The following DNAH5 variants were observed in gnomAD, a reference collection of about 807,000 sequenced individuals.
DNAH5 encodes axonemal beta dynein heavy chain 5.
In DNAH5, 372 loss-of-function variants were observed where a neutral mutation model predicts 518.2. The ratio of observed to expected loss-of-function variants is 0.72; its 90% CI spans 0.66 to 0.78. The LOEUF is 0.78. Ranked by LOEUF, DNAH5 falls within the 30% of genes least tolerant of loss-of-function variation. DNAH5 has a pLI of 0.00. For missense variants in DNAH5, 5,523 were observed against 5,687.0 expected, an observed-to-expected ratio of 0.97 and a Z score of 0.93; for synonymous variants, 2,039 against 2,025.9, an observed-to-expected ratio of 1.01 and a Z score of -0.17.
At chr5:13,731,454 T>C (rs1167823600) in intron 68 of DNAH5, among the ~76,000 whole-genome samples, 1 of 152,192 alleles carries the variant, frequency 6.6e-6, no homozygotes, top group East Asian at 1.9e-4. Context: ...CCGGTAACTA[T>C]GTCATGACTA....
intron 1 of DNAH5, among the ~76,000 whole-genome samples, chr5:13,976,687 G>GTATATATATATATATATA (rs1231927910): frequency 2.5e-5 from 3 of 121,354 alleles, no homozygotes; most frequent in Admixed American, 8.4e-5. Flanking sequence ...ATGTGTGTGT[G>GTATATATATATATATATA]TGTATATATA....
chr5:13,948,361 A>G (rs1009178823), upstream of DNAH5, among the ~76,000 whole-genome samples: 1 of 152,162 alleles, frequency 6.6e-6, no homozygotes, highest in African/African-American at 2.4e-5. Flanking sequence ...TAAGAAAGCA[A>G]TGAAGCCTAG....
chr5:13,730,660 T>G (rs1341316065), intron 68 of DNAH5, among the ~76,000 whole-genome samples: 1 of 151,028 alleles, frequency 6.6e-6, no homozygotes, highest in African/African-American at 2.4e-5. Context: ...GGTATCGATC[T>G]CCTGACCTCG....
At chr5:13,975,514 T>C (rs1227830167) in intron 1 of DNAH5, among the ~76,000 whole-genome samples, 1 of 152,148 alleles carries the variant, frequency 6.6e-6, no homozygotes, top group African/African-American at 2.4e-5. Flanking sequence ...GGATTCCAAG[T>C]GAGAAGACAG....
rs1308012581 is a variant in DNAH5, at chr5:13,814,849, A to G, written c.6989-3T>C. 5.0e-6 allele frequency: 8 copies of G among 1,613,440 alleles called. No homozygotes were observed. The highest frequency in any genetic ancestry group is 6.8e-6 in the Non-Finnish European group (8 of 1,179,842). On this transcript the variant is annotated splice_polypyrimidine_tract_variant and splice_region_variant and intron_variant, in intron 42 of 78. Transcript: ENST00000265104. ...AAGAATTATCCAGATATGTTCCCCTAGAATACCCCACCAAAGGGAAAAAAA... is the reference window on the plus strand; with the variant it reads ...AAGAATTATCCAGATATGTTCCCCTGGAATACCCCACCAAAGGGAAAAAAA...
chr5:13,753,487 C>G lies in DNAH5; in HGVS notation c.10618G>C (p.Asp3540His), dbSNP rs747949893. ...TTCCGCCAGTCATTTAACAGAAGAT[C>G]ACGAAACTCTTGGTTAAATGGACCA... Reference protein sequence around the residue: ...YSGPFNQEFRDLLLNDWRKEM... With the variant: ...YSGPFNQEFRHLLLNDWRKEM... Residue 3540 changes from aspartate to histidine, a missense_variant, in exon 63 of 79, where the codon GAT (aspartate) becomes CAT (histidine). By Grantham distance (81) the Asp-to-His change is moderately conservative. Transcript: ENST00000265104. 1 of 1,614,010 alleles carries G rather than the reference C, an allele frequency of 6.2e-7. No homozygotes were observed. Among genetic ancestry groups the G allele is most frequent in the South Asian group, 1.1e-5 (1 of 91,064 alleles).
chr5:13,770,141 G>T (rs2401807), intron 56 of DNAH5, among the ~76,000 whole-genome samples: 47,445 of 152,054 alleles, frequency 0.31, 7,835 homozygotes, highest in Non-Finnish European at 0.37. Flanking sequence ...TCGTGTAACT[G>T]CCCACCCAGG....
chr5:13,794,666 GT>G (rs1308978911), intron 47 of DNAH5, among the ~76,000 whole-genome samples: 5 of 152,166 alleles, frequency 3.3e-5, no homozygotes, highest in African/African-American at 1.2e-4. Flanking sequence ...GCTGCACTCT[GT>G]AAAAAACCTT....
At chr5:13,773,477 T>C (rs1205825588) in intron 55 of DNAH5, among the ~76,000 whole-genome samples, 1 of 152,058 alleles carries the variant, frequency 6.6e-6, no homozygotes, top group Non-Finnish European at 1.5e-5. Context: ...ATATCCAAAG[T>C]TGAACTAGAG....
chr5:13,783,695 G>A (rs1409793744), intron 52 of DNAH5, among the ~76,000 whole-genome samples: 4 of 152,146 alleles, frequency 2.6e-5, no homozygotes, highest in Non-Finnish European at 5.9e-5. Context: ...AGAAAATTGA[G>A]TTTCTAACTA....
chr5:13,748,323 C>A (rs974988884), intron 65 of DNAH5, among the ~76,000 whole-genome samples: 3 of 152,146 alleles, frequency 2.0e-5, no homozygotes, highest in Admixed American at 6.5e-5. Context: ...ATGCCTCCAG[C>A]TTTGTTCTTT....
At chr5:13,893,144 T>C (rs1348277090) in intron 16 of DNAH5, among the ~76,000 whole-genome samples, 2 of 152,090 alleles carry the variant, frequency 1.3e-5, no homozygotes, top group Admixed American at 6.6e-5. Flanking sequence ...GCGGTGAAAA[T>C]CTACTGATAA....
At chr5:13,813,763 T>G (rs1251303900) in intron 43 of DNAH5, among the ~76,000 whole-genome samples, 1 of 152,192 alleles carries the variant, frequency 6.6e-6, no homozygotes, top group Non-Finnish European at 1.5e-5. Flanking sequence ...GTTGAGTAAA[T>G]TCTGGAAAGA....
intron 1 of DNAH5, among the ~76,000 whole-genome samples, chr5:13,973,156 G>T (rs1054009700): frequency 6.6e-6 from 1 of 152,142 alleles, no homozygotes; most frequent in Non-Finnish European, 1.5e-5. Context: ...AAAAGTTGAT[G>T]TGATAAAAGA....
chr5:13,845,138 T>C (rs1765796820), intron 31 of DNAH5, 145 bp from the exon 32 acceptor site: 2 of 746,810 alleles, frequency 2.7e-6, no homozygotes, highest in South Asian at 3.7e-5. Flanking sequence ...CTGTTTTTAA[T>C]TTTTCAATTT....
intron 40 of DNAH5, among the ~76,000 whole-genome samples, chr5:13,821,437 C>A (rs762334427): frequency 2.0e-5 from 3 of 152,110 alleles, no homozygotes; most frequent in Non-Finnish European, 4.4e-5. Flanking sequence ...TAAGATCAAT[C>A]TTTATAATAA....
Position 13,839,405 on chromosome 5 carries a change from C to A in DNAH5, c.5833G>T (p.Glu1945Ter). 6.2e-7 allele frequency: 1 copy of A among 1,614,112 alleles called. No homozygotes were observed. Among genetic ancestry groups the A allele is most frequent in the South Asian group, 1.1e-5 (1 of 91,084 alleles). Residue 1945 changes from glutamate to a stop codon, truncating the protein, a stop_gained, in exon 35 of 79, where the codon GAA (glutamate) becomes TAA (stop). Transcript: ENST00000265104. LOFTEE classifies it high-confidence loss of function. ...AGCCTGTCAGTGCAGCCTAAAAATTCATTCTGGTATATGAACGCCACATCT... is the reference window on the plus strand; with the variant it reads ...AGCCTGTCAGTGCAGCCTAAAAATTAATTCTGGTATATGAACGCCACATCT... ...ITDVAFIYQNEFLGCTDRLVI... is the reference protein window; with the variant it reads ...ITDVAFIYQN
At chr5:13,853,381 G>C (rs1767163574) in intron 30 of DNAH5, among the ~76,000 whole-genome samples, 1 of 152,120 alleles carries the variant, frequency 6.6e-6, no homozygotes, top group Admixed American at 6.5e-5. Flanking sequence ...CAACAGCAAA[G>C]ACCAATGGTA....
Position 13,691,328 on chromosome 5 carries a change from A to G in DNAH5, c.*656T>C, listed in dbSNP as rs1740671591. 1 of 152,254 alleles carries G rather than the reference A, an allele frequency of 6.6e-6. No individual in the cohort carries two copies. The highest frequency in any genetic ancestry group is 1.5e-5 in the Non-Finnish European group (1 of 68,064). The allele number at this position is 152,254 out of a possible 1,614,324, so 9.4% of individuals were successfully genotyped here. A position where few individuals can be genotyped will look rare whatever the true frequency, so the allele number is the denominator to read the frequency against. On this transcript the variant is annotated 3_prime_UTR_variant, in exon 79 of 79. Coordinates refer to ENST00000265104, the MANE Select transcript of DNAH5 (RefSeq NM_001369.3). ...TGAGTGGATCAGTTTTACTGAGAGC[A>G]TGCTATCATTTACTTTTAGCTTTAA... is the stretch of plus-strand genomic sequence containing the variant.
Sources: allele counts gnomAD v4.1 joint callset (sites outside exome capture counted in the v4.1 genomes callset), GRCh38; gene constraint gnomAD v4.1.1; transcripts MANE v1.5; gene names NCBI Gene and HGNC (gene_info 2026-07-23, HGNC 2026-07-21).